LPCAT1: variants seen among roughly 807,000 people sequenced by gnomAD.
The protein encoded by LPCAT1 is 1-acylglycerol-3-phosphate O-acyltransferase.
In LPCAT1, 23 loss-of-function variants were observed where a neutral mutation model predicts 60.9. The observed-to-expected ratio is 0.38, with a 90% CI of 0.27 to 0.53. The LOEUF (loss-of-function observed/expected upper bound fraction) is 0.53, where lower values mean the gene tolerates loss of function less well. LPCAT1 is among the 20% of genes least tolerant of loss of function. The pLI is 0.82. For synonymous variants in LPCAT1, 340 were observed against 301.1 expected (o/e 1.13, Z -1.34); for missense variants, 622 against 723.6 (o/e 0.86, Z 1.61).
chr5:1,501,372 GAC>G, intron 2 of LPCAT1, 87 bp downstream of exon 2: 2 of 1,481,338 alleles, frequency 1.4e-6, no homozygotes, highest in South Asian at 1.3e-5. Context: ...CTAGGGTGGA[GAC>G]ACACAACCCC....
In LPCAT1 at chr5:1,495,242, G is replaced by C. The variant is rs964976578; in HGVS notation, c.279-328C>G. ...ACAAGTCCCAGGCCAGAAGACCTCCGGACCTTCATGTTAGCAACTTATTTA... is the reference window on the plus strand; with the variant it reads ...ACAAGTCCCAGGCCAGAAGACCTCCCGACCTTCATGTTAGCAACTTATTTA... On this transcript the variant is annotated intron_variant, in intron 2 of 13. Coordinates refer to ENST00000283415, the MANE Select transcript of LPCAT1 (RefSeq NM_024830.5). The surrounding 1 kb of genome is among the most constrained non-coding windows in gnomAD (Gnocchi z 4.7). 6.6e-6 allele frequency among the ~76,000 whole-genome samples: 1 copy of C among 152,036 alleles called. No individual in the cohort carries two copies. The highest frequency in any genetic ancestry group is 1.5e-5 in the Non-Finnish European group (1 of 68,000).
At chr5:1,482,118 G>C (rs770012159) in intron 6 of LPCAT1, among the ~76,000 whole-genome samples, 19 of 149,416 alleles carry the variant, frequency 1.3e-4, no homozygotes, top group Admixed American at 2.6e-4. Flanking sequence ...GGAACCTGCA[G>C]TGAGCCCAGC....
Position 1,474,572 on chromosome 5 carries a change from A to T in LPCAT1, c.1013T>A (p.Val338Glu). The T allele has an allele frequency of 6.2e-7, 1 of 1,613,966 alleles. No individual in the cohort carries two copies. The highest frequency in any genetic ancestry group is 2.2e-5 in the East Asian group (1 of 44,892). Residue 338 changes from valine (V) to glutamate (E), a missense_variant, in exon 10 of 14, where the codon GTG becomes GAG. Around this residue, in one of 3 missense-constraint regions of LPCAT1, gnomAD observed 288 missense variants for 283.6 expected, o/e 1.02. Transcript: ENST00000283415. ...DTCLLEFARLVRGLGLKPEKL... is the reference protein window; with the variant it reads ...DTCLLEFARLERGLGLKPEKL... ...ACCAGGTACTCACCCGAGGCCCCGC[A>T]CGAGCCTGGCAAATTCTAAAAGGCA...
Position 1,495,716 on chromosome 5 carries a change from G to A in LPCAT1, c.279-802C>T, listed in dbSNP as rs1048677469. Among the ~76,000 whole-genome samples the A allele has an allele frequency of 7.2e-5, 11 of 152,142 alleles. No homozygotes were observed. Among genetic ancestry groups the A allele is most frequent in the Non-Finnish European group, 1.2e-4 (8 of 68,034 alleles). On this transcript the variant is annotated intron_variant, in intron 2 of 13. Transcript: ENST00000283415. The surrounding 1 kb of genome is among the most constrained non-coding windows in gnomAD (Gnocchi z 4.7). The stretch of plus-strand genomic sequence containing the variant: ...ATGATTCAGCCTCATGAGAAGCCAC[G>A]GCTCACTCGGCCACTGGGTTAAGTG...
At chr5:1,501,419 G>GC (rs1735998936) in intron 2 of LPCAT1, 42 bp downstream of exon 2, 1 of 1,567,878 alleles carries the variant, frequency 6.4e-7, no homozygotes, top group Non-Finnish European at 8.7e-7. Context: ...TTGGCCGCGT[G>GC]ACCCCCCCCC....
chr5:1,488,394 G>C lies in LPCAT1; in HGVS notation c.664C>G (p.Pro222Ala). The C allele has an allele frequency of 6.3e-7, 1 of 1,576,446 alleles. No individual in the cohort carries two copies. The highest frequency in any genetic ancestry group is 8.6e-7 in the Non-Finnish European group (1 of 1,159,812). Residue 222 changes from proline to alanine, a missense_variant, in exon 5 of 14, where the codon CCT (proline) becomes GCT (alanine). Around this residue, in one of 3 missense-constraint regions of LPCAT1, gnomAD observed 209 missense variants for 325.5 expected, o/e 0.64. Coordinates refer to ENST00000283415, the MANE Select transcript of LPCAT1 (RefSeq NM_024830.5). ...AACATTTAAGAAAACTACATACCAG[G>C]TTTGAAGGTAATTAGGCAGGTCCTG... Reference protein sequence around the residue: ...TNRTCLITFKPGAFIPGAPVQ... With the variant: ...TNRTCLITFKAGAFIPGAPVQ...
intron 1 of LPCAT1, among the ~76,000 whole-genome samples, chr5:1,501,950 C>T (rs1440600707): frequency 6.6e-6 from 1 of 152,038 alleles, no homozygotes; most frequent in Non-Finnish European, 1.5e-5. Flanking sequence ...CTGACCAAGG[C>T]TGACCGGCAC....
At chr5:1,491,521 G>A (rs940124762) in intron 3 of LPCAT1, among the ~76,000 whole-genome samples, 1 of 152,190 alleles carries the variant, frequency 6.6e-6, no homozygotes, top group Non-Finnish European at 1.5e-5. Context: ...GGAGGACTCT[G>A]AGTGAAGTCT....
At chr5:1,499,382 A>G (rs1439745099) in intron 2 of LPCAT1, among the ~76,000 whole-genome samples, 1 of 152,200 alleles carries the variant, frequency 6.6e-6, no homozygotes, top group Non-Finnish European at 1.5e-5. Flanking sequence ...CACCACATTC[A>G]GCCAGGTCAC....
At chr5:1,494,415 G>A (rs1053352092) in intron 3 of LPCAT1, among the ~76,000 whole-genome samples, 5 of 133,146 alleles carry the variant, frequency 3.8e-5, no homozygotes, top group Non-Finnish European at 6.2e-5. Context: ...GCAGCGTGGT[G>A]GGGGGGGGGT....
Position 1,489,740 on chromosome 5 carries a change from C to A in LPCAT1, c.606+6G>T. ...ACTGAAACACAATCAGGGCTACGTG[C>A]ATTACCTGTGGCCACTTTCCGTTGG... On this transcript the variant is annotated splice_donor_region_variant and intron_variant, in intron 4 of 13. Coordinates refer to ENST00000283415, the MANE Select transcript of LPCAT1 (RefSeq NM_024830.5). The A allele has an allele frequency of 1.3e-6, 2 of 1,582,862 alleles. No individual in the cohort carries two copies. Among genetic ancestry groups the A allele is most frequent in the Non-Finnish European group, 1.7e-6 (2 of 1,151,364 alleles).
At chr5:1,498,455 C>A (rs1430131204) in intron 2 of LPCAT1, among the ~76,000 whole-genome samples, 1 of 152,190 alleles carries the variant, frequency 6.6e-6, no homozygotes, top group Non-Finnish European at 1.5e-5. Context: ...TGAGTGCCCA[C>A]AAGCATCCGT....
At chr5:1,490,355 G>A (rs1331591054) in intron 3 of LPCAT1, among the ~76,000 whole-genome samples, 1 of 152,144 alleles carries the variant, frequency 6.6e-6, no homozygotes, top group East Asian at 1.9e-4. Context: ...CCCGGATGAG[G>A]GTCCCTATGG....
In LPCAT1 at chr5:1,481,881, G is replaced by A. The variant is rs949534920; in HGVS notation, c.727-905C>T. ...TTTATTACCTGACCGTCAGCTCTCC[G>A]GGCAAAGTGAAGCCCGGCAGGCATC... On this transcript the variant is annotated intron_variant, in intron 6 of 13. Coordinates refer to ENST00000283415, the MANE Select transcript of LPCAT1 (RefSeq NM_024830.5). This position sits in a 1 kb window ranked among gnomAD's most constrained non-coding sequence, Gnocchi z 7.8. Among the ~76,000 whole-genome samples, 3 of 152,248 alleles carry A rather than the reference G, an allele frequency of 2.0e-5. No homozygotes were observed. Among genetic ancestry groups the A allele is most frequent in the Admixed American group, 6.5e-5 (1 of 15,290 alleles).
intron 1 of LPCAT1, among the ~76,000 whole-genome samples, chr5:1,520,860 C>CAAAAAAAAAAAAAA (rs59074953): frequency 1.2e-5 from 1 of 82,046 alleles, no homozygotes; most frequent in African/African-American, 4.9e-5. Flanking sequence ...GAGACTGTCT[C>CAAAAAAAAAAAAAA]AAAAAAAAAA....
chr5:1,507,811 C>G (rs1213287872), intron 1 of LPCAT1, among the ~76,000 whole-genome samples: 1 of 152,208 alleles, frequency 6.6e-6, no homozygotes, highest in Non-Finnish European at 1.5e-5. Context: ...GGGAACTGAC[C>G]CTCTCTGGGT....
intron 1 of LPCAT1, among the ~76,000 whole-genome samples, chr5:1,511,885 A>G (rs963563523): frequency 9.9e-5 from 15 of 152,182 alleles, no homozygotes; most frequent in South Asian, 4.1e-4. Flanking sequence ...CACTCAGCCA[A>G]CAACCCCAAG....
At chr5:1,494,586 G>C in intron 3 of LPCAT1, 114 bp downstream of exon 3, 1 of 1,005,178 alleles carries the variant, frequency 9.9e-7, no homozygotes. Flanking sequence ...ATTCCCAACA[G>C]AGGGGGGACC....
rs1413473899 is a variant in LPCAT1 at position 1,511,268 on chromosome 5, GCT to G, written c.136-9667_136-9666del. On this transcript the variant is annotated intron_variant, in intron 1 of 13. Coordinates refer to ENST00000283415, the MANE Select transcript of LPCAT1 (RefSeq NM_024830.5). ...TGCGGGGTTGACCTCCCCGGCGCGC[GCT>G]GTTTGTGTGTCCCAGTTACCTAGGT... Among the ~76,000 whole-genome samples the G allele has an allele frequency of 2.0e-5, 3 of 152,328 alleles. No individual in the cohort carries two copies. In the East Asian group the frequency reaches 5.8e-4, roughly 29 times the overall value.
Sources: gnomAD v4.1 joint callset for allele counts (sites outside exome capture counted in the v4.1 genomes callset) on GRCh38, gnomAD v4.1.1 for gene constraint, gnomAD v4.1.1 regional missense constraint, Gnocchi (gnomAD v3.1) non-coding constraint, MANE v1.5 for transcripts, NCBI Gene and HGNC (gene_info 2026-07-23, HGNC 2026-07-21) for gene names.